Variants in MGME1 observed in about 807,000 individuals in gnomAD.
MGME1 encodes chromosome 20 open reading frame 72.
In MGME1, 22 loss-of-function variants were observed where a neutral mutation model predicts 33.0. That is an observed-to-expected ratio of 0.67 (90% CI 0.48 to 0.95). The LOEUF (loss-of-function observed/expected upper bound fraction) is 0.95. MGME1 is among the 40% of genes least tolerant of loss of function. The pLI, the probability that MGME1 is intolerant of heterozygous loss-of-function variation, is 0.00. For missense variants in MGME1, 383 were observed against 397.8 expected, an observed-to-expected ratio of 0.96 and a Z score of 0.32; for synonymous variants, 133 against 144.0, an observed-to-expected ratio of 0.92 and a Z score of 0.55.
At chr20:17,989,596 G>A (rs1350921216) in intron 4 of MGME1, among the ~76,000 whole-genome samples, 5 of 151,484 alleles carry the variant, frequency 3.3e-5, no homozygotes, top group Non-Finnish European at 4.4e-5. Context: ...CCTCAGCTTC[G>A]AGGGTGCAAC....
At chr20:17,989,331 A>G (rs2036232850) in intron 4 of MGME1, among the ~76,000 whole-genome samples, 1 of 151,848 alleles carries the variant, frequency 6.6e-6, no homozygotes, top group African/African-American at 2.4e-5. Flanking sequence ...GGTTGCGGTG[A>G]GCCAAGGTTG....
rs138923108 is a variant in MGME1 at position 17,989,971 on chromosome 20, A to G, written c.897A>G (p.Lys299=). ...GTGGCTTAATTGTGGTGGCCTACAA[A>G]GATGGATCACCTGCCCACCCACATT... ...VQCGLIVVAY[K]DGSPAHPHFM... Residue 299 remains lysine (K), a synonymous_variant, in exon 5 of 5, where the codon AAA becomes AAG. Coordinates refer to ENST00000377710, the MANE Select transcript of MGME1 (RefSeq NM_052865.4). The G allele has an allele frequency of 2.5e-6, 4 of 1,614,096 alleles. No individual in the cohort carries two copies. The highest frequency in any genetic ancestry group is 3.4e-6 in the Non-Finnish European group (4 of 1,180,052).
Position 17,975,666 on chromosome 20 carries a change from C to T in MGME1, c.512-18C>T, listed in dbSNP as rs772734489. On this transcript the variant is annotated intron_variant, in intron 2 of 4. Transcript: ENST00000377710. ...GTTTGTGTTTCCCCCCTCCCCTTTT[C>T]CCTGATTTTCTTTTCAGACGTCTTT... The T allele has an allele frequency of 1.3e-6, 2 of 1,595,600 alleles. No individual in the cohort carries two copies. Among genetic ancestry groups the T allele is most frequent in the Admixed American group, 3.4e-5 (2 of 59,550 alleles).
intron 2 of MGME1, among the ~76,000 whole-genome samples, chr20:17,975,312 A>G (rs1183931549): frequency 6.6e-6 from 1 of 151,976 alleles, no homozygotes; most frequent in Non-Finnish European, 1.5e-5. Context: ...TAGTCTCAGC[A>G]CTTTGGGAGG....
chr20:17,981,035 G>C (rs561407337), intron 3 of MGME1, among the ~76,000 whole-genome samples: 23 of 152,104 alleles, frequency 1.5e-4, no homozygotes, highest in African/African-American at 5.3e-4. Context: ...GGCGATTGCT[G>C]TTTTAAGTTT....
chr20:17,979,417 T>C (rs1181468247), intron 3 of MGME1, among the ~76,000 whole-genome samples: 8 of 149,952 alleles, frequency 5.3e-5, no homozygotes, highest in African/African-American at 2.0e-4. Flanking sequence ...TAATTTTATT[T>C]ATTTATTTTT....
intron 3 of MGME1, among the ~76,000 whole-genome samples, chr20:17,983,562 C>G (rs910375861): frequency 1.3e-5 from 2 of 152,120 alleles, no homozygotes; most frequent in African/African-American, 4.8e-5. Context: ...ACATGCCCAC[C>G]AACAGTTTAT....
At chr20:17,970,675 T>C (rs911982035) in intron 2 of MGME1, among the ~76,000 whole-genome samples, 1 of 152,228 alleles carries the variant, frequency 6.6e-6, no homozygotes, top group Non-Finnish European at 1.5e-5. Context: ...GAATTGCTTG[T>C]TTTCCTTGAT....
intron 2 of MGME1, among the ~76,000 whole-genome samples, chr20:17,973,881 C>T (rs2035790228): frequency 6.6e-6 from 1 of 152,078 alleles, no homozygotes; most frequent in African/African-American, 2.4e-5. Flanking sequence ...GGGATAGGGC[C>T]TCATTCATTA....
At chr20:17,981,779 G>A (rs948962952) in intron 3 of MGME1, among the ~76,000 whole-genome samples, 2 of 151,732 alleles carry the variant, frequency 1.3e-5, no homozygotes, top group African/African-American at 2.4e-5. Context: ...ATTCTGCCTC[G>A]CCCTCCTGAG....
rs1324676949 is a variant in MGME1, at chr20:17,990,214, T to C, written c.*105T>C. 5.4e-6 allele frequency: 5 copies of C among 931,222 alleles called. No individual in the cohort carries two copies. The highest frequency in any genetic ancestry group is 2.5e-5 in the East Asian group (1 of 39,368). 57.7% of individuals were successfully genotyped at this position (931,222 alleles called of 1,614,324 possible). Reference sequence around the variant, plus strand: ...ATGAGGTGCCACTGGATCTGAGTGCTACACGAACACAAGTAGAAGTATTAA... The same window carrying C: ...ATGAGGTGCCACTGGATCTGAGTGCCACACGAACACAAGTAGAAGTATTAA... On this transcript the variant is annotated 3_prime_UTR_variant, in exon 5 of 5. Transcript: ENST00000377710.
chr20:17,981,798 A>G (rs2122575674), intron 3 of MGME1, among the ~76,000 whole-genome samples: 1 of 151,972 alleles, frequency 6.6e-6, no homozygotes, highest in East Asian at 1.9e-4. Flanking sequence ...AGTAGCTGGG[A>G]TTACAGGTGC....
chr20:17,990,527 C>T lies in MGME1; in HGVS notation c.*418C>T, dbSNP rs2036275599. On this transcript the variant is annotated 3_prime_UTR_variant, in exon 5 of 5. Coordinates refer to ENST00000377710, the MANE Select transcript of MGME1 (RefSeq NM_052865.4). ...GGTTCACCCAGAGGGGAAGGGGCTA[C>T]ATGCCCCCAGCTGTGTGCAGGGAGG... 3.8e-6 allele frequency: 1 copy of T among 263,554 alleles called. No individual in the cohort carries two copies. Among genetic ancestry groups the T allele is most frequent in the South Asian group, 5.7e-5 (1 of 17,606 alleles). 16.3% of individuals were successfully genotyped at this position (263,554 alleles called of 1,614,324 possible). A position where few individuals can be genotyped will look rare whatever the true frequency, so the allele number is the denominator to read the frequency against.
At position 17,970,012 on chromosome 20, in the gene MGME1, ATACTC is replaced by A; in HGVS notation, c.156_160del (p.Tyr52Ter). 1 of 1,614,170 alleles carries A rather than the reference ATACTC, an allele frequency of 6.2e-7. No individual in the cohort carries two copies. The highest frequency in any genetic ancestry group is 1.1e-5 in the South Asian group (1 of 91,086). On this transcript the variant is annotated frameshift_variant, in exon 2 of 5. Coordinates refer to ENST00000377710, the MANE Select transcript of MGME1 (RefSeq NM_052865.4). LOFTEE classifies it high-confidence loss of function. ...CATATGAAGAAGTGGACCAAGAAAA[ATACTC>A]TAATTTAGTTCAGTCTGTCTTGTCA...
Position 17,969,799 on chromosome 20 carries a change from A to G in MGME1, c.-59-2A>G. On this transcript the variant is annotated splice_acceptor_variant, in intron 1 of 4. Coordinates refer to ENST00000377710, the MANE Select transcript of MGME1 (RefSeq NM_052865.4). LOFTEE classifies it low-confidence loss of function (5UTR_SPLICE). ...CTTTGATGGTTGTTTTCTCTCCAAT[A>G]GGAATACAAACATAAAGGCCTTCGA... 1.4e-6 allele frequency: 2 copies of G among 1,480,990 alleles called. No homozygotes were observed. The highest frequency in any genetic ancestry group is 1.8e-6 in the Non-Finnish European group (2 of 1,104,032). 91.7% of individuals were successfully genotyped at this position (1,480,990 alleles called of 1,614,324 possible).
chr20:17,974,918 T>A (rs1334892864), intron 2 of MGME1, among the ~76,000 whole-genome samples: 5 of 152,180 alleles, frequency 3.3e-5, no homozygotes, highest in Non-Finnish European at 1.5e-5. Flanking sequence ...TTGTCACTAA[T>A]CCTGTTAGTA....
At chr20:17,978,022 A>G (rs2035911709) in intron 3 of MGME1, among the ~76,000 whole-genome samples, 1 of 152,228 alleles carries the variant, frequency 6.6e-6, no homozygotes, top group African/African-American at 2.4e-5. Flanking sequence ...TCCACAGCCC[A>G]ATACAAATTC....
intron 2 of MGME1, among the ~76,000 whole-genome samples, chr20:17,975,172 G>A (rs533994294): frequency 2.0e-4 from 30 of 152,068 alleles, no homozygotes; most frequent in Middle Eastern, 6.8e-3. Flanking sequence ...ATTACCTAAC[G>A]TCCTATTAAT....
intron 3 of MGME1, among the ~76,000 whole-genome samples, chr20:17,986,359 G>A (rs1191048969): frequency 6.7e-6 from 1 of 149,972 alleles, no homozygotes; most frequent in Non-Finnish European, 1.5e-5. Flanking sequence ...GTAAGCCACC[G>A]TGCCCGGCAG....
Sources: allele counts gnomAD v4.1 joint callset (sites outside exome capture counted in the v4.1 genomes callset), GRCh38; gene constraint gnomAD v4.1.1; transcripts MANE v1.5; gene names NCBI Gene and HGNC (gene_info 2026-07-23, HGNC 2026-07-21).